EPS15L1: variants seen among roughly 807,000 people sequenced by gnomAD.
EPS15L1 encodes epidermal growth factor receptor pathway substrate 15 like 1.
EPS15L1 carries 43 observed loss-of-function variants against 117.1 expected under a neutral mutation model. The ratio of observed to expected loss-of-function variants is 0.37; its 90% CI spans 0.29 to 0.47. The LOEUF (loss-of-function observed/expected upper bound fraction) is 0.47. Among genes scored for constraint, EPS15L1 ranks in the 20% least tolerant of loss-of-function variants. The probability of loss-of-function intolerance (pLI) is 0.99; values close to 1 mark genes in which losing one functional copy is unlikely to be tolerated. For synonymous variants in EPS15L1, 459 were observed against 470.5 expected, an observed-to-expected ratio of 0.98 and a Z score of 0.32; for missense variants, 981 against 1,164.0, an observed-to-expected ratio of 0.84 and a Z score of 2.29.
intron 1 of EPS15L1, among the ~76,000 whole-genome samples, chr19:16,455,110 C>G (rs1599678466): frequency 6.6e-6 from 1 of 151,280 alleles, no homozygotes; most frequent in East Asian, 2.0e-4. Flanking sequence ...GCCTGGGCAA[C>G]AAGAGCGAAA....
At chr19:16,363,652 T>A (rs1229421125) in intron 22 of EPS15L1, among the ~76,000 whole-genome samples, 1 of 152,058 alleles carries the variant, frequency 6.6e-6, no homozygotes, top group Non-Finnish European at 1.5e-5. Flanking sequence ...TCCTTATCTG[T>A]GAAGTGGAAA....
chr19:16,383,710 G>C lies in EPS15L1; in HGVS notation c.2247+1419C>G, dbSNP rs1015271765. 1 of 152,300 alleles carries C rather than the reference G, an allele frequency of 6.6e-6. No homozygotes were observed. Among genetic ancestry groups the C allele is most frequent in the Admixed American group, 6.5e-5 (1 of 15,286 alleles). The allele number at this position is 152,300 out of a possible 1,614,324, so 9.4% of individuals were successfully genotyped here. ...GCGCCGCCAGGGCACGCACACACGCGTCTTTGAAAACCTGAACAGAATCTC... is the reference window on the plus strand; with the variant it reads ...GCGCCGCCAGGGCACGCACACACGCCTCTTTGAAAACCTGAACAGAATCTC... On this transcript the variant is annotated intron_variant, in intron 21 of 23. Coordinates refer to ENST00000455140, the MANE Select transcript of EPS15L1 (RefSeq NM_001258374.3). This position sits in a 1 kb window ranked among gnomAD's most constrained non-coding sequence, Gnocchi z 5.2.
At chr19:16,464,183 T>C (rs768966910) in intron 1 of EPS15L1, among the ~76,000 whole-genome samples, 1 of 152,224 alleles carries the variant, frequency 6.6e-6, no homozygotes, top group Non-Finnish European at 1.5e-5. Context: ...GCAGTGCAGA[T>C]GGAAATCCGA....
intron 7 of EPS15L1, among the ~76,000 whole-genome samples, chr19:16,430,347 C>T (rs1156755646): frequency 6.6e-6 from 1 of 152,216 alleles, no homozygotes; most frequent in Admixed American, 6.5e-5. Flanking sequence ...CTCCAGAATG[C>T]ACACTGGACC....
chr19:16,457,260 C>T (rs758039179), intron 1 of EPS15L1, among the ~76,000 whole-genome samples: 6 of 152,292 alleles, frequency 3.9e-5, no homozygotes, highest in East Asian at 1.9e-4. Flanking sequence ...AGGTGAACAA[C>T]GGGACATTCC....
chr19:16,393,941 T>G lies in EPS15L1; in HGVS notation c.1966+10A>C, dbSNP rs983450132. On this transcript the variant is annotated intron_variant, in intron 18 of 23. Transcript: ENST00000455140. The stretch of plus-strand genomic sequence containing the variant: ...GTCTAAAGACCGGTCCGGGAAACAC[T>G]GAATTTTACCTGTTGAAGTTGTCTG... The G allele has an allele frequency of 6.2e-7, 1 of 1,613,880 alleles. No individual in the cohort carries two copies.
At chr19:16,453,886 T>TTA (rs1373221953) in intron 1 of EPS15L1, among the ~76,000 whole-genome samples, 1 of 136,618 alleles carries the variant, frequency 7.3e-6, no homozygotes, top group Non-Finnish European at 1.6e-5. Flanking sequence ...AGAATTCCTA[T>TTA]AAAAAAAAAA....
chr19:16,374,362 T>C (rs553147202), intron 22 of EPS15L1, among the ~76,000 whole-genome samples: 1 of 152,136 alleles, frequency 6.6e-6, no homozygotes. Flanking sequence ...AGAACAAAGA[T>C]GCAGTGGCCT....
chr19:16,410,139 A>AT (rs1467343932), intron 13 of EPS15L1, among the ~76,000 whole-genome samples: 3 of 152,062 alleles, frequency 2.0e-5, no homozygotes, highest in Non-Finnish European at 4.4e-5. Flanking sequence ...GTCTCAAAAA[A>AT]AAAAAAAAAT....
intron 19 of EPS15L1, 150 bp downstream of exon 19, chr19:16,392,152 CTG>C: frequency 2.4e-6 from 2 of 837,068 alleles, no homozygotes. Context: ...TGAAATCAGC[CTG>C]GGATACCAGC....
chr19:16,462,379 G>A (rs76387153), intron 1 of EPS15L1, among the ~76,000 whole-genome samples: 88 of 152,252 alleles, frequency 5.8e-4, no homozygotes, highest in Non-Finnish European at 9.7e-4. Context: ...GGAAGTGGGG[G>A]GGAGGGCATG....
chr19:16,380,292 G>A (rs2092346850), intron 21 of EPS15L1, among the ~76,000 whole-genome samples: 1 of 152,090 alleles, frequency 6.6e-6, no homozygotes, highest in South Asian at 2.1e-4. Flanking sequence ...TAGCCACACA[G>A]ACACGGCCAC....
At chr19:16,456,533 T>A (rs553666340) in intron 1 of EPS15L1, among the ~76,000 whole-genome samples, 194 of 152,056 alleles carry the variant, frequency 1.3e-3, no homozygotes, top group Non-Finnish European at 2.3e-3. Flanking sequence ...GGCGGGTACC[T>A]GTAATCTCAG....
chr19:16,396,743 C>T (rs535688785), intron 16 of EPS15L1, among the ~76,000 whole-genome samples: 54 of 152,188 alleles, frequency 3.5e-4, no homozygotes, highest in African/African-American at 1.0e-3. Flanking sequence ...AAAATTGTAA[C>T]GAGCCACACA....
At chr19:16,401,414 GAC>G (rs2092600212) in intron 16 of EPS15L1, 1 of 985,464 alleles carries the variant, frequency 1.0e-6, no homozygotes. Context: ...AGGAATCCAT[GAC>G]GTACAGAGGC....
intron 8 of EPS15L1, among the ~76,000 whole-genome samples, chr19:16,426,224 G>C (rs754412772): frequency 6.6e-6 from 1 of 152,234 alleles, no homozygotes; most frequent in Non-Finnish European, 1.5e-5. Flanking sequence ...TGGGGCGGGT[G>C]TGACCTCCGT....
chr19:16,368,955 T>G (rs2092180435), intron 22 of EPS15L1, among the ~76,000 whole-genome samples: 1 of 152,228 alleles, frequency 6.6e-6, no homozygotes, highest in Admixed American at 6.5e-5. Flanking sequence ...CCAAGGCCAC[T>G]GACATGTCTT....
At chr19:16,464,615 G>C (rs1199358980) in intron 1 of EPS15L1, among the ~76,000 whole-genome samples, 1 of 152,140 alleles carries the variant, frequency 6.6e-6, no homozygotes, top group Admixed American at 6.5e-5. Context: ...CTCAGCTCTG[G>C]CTCAGTCCTC....
At chr19:16,388,526 C>G (rs570014547) in intron 19 of EPS15L1, among the ~76,000 whole-genome samples, 19 of 152,026 alleles carry the variant, frequency 1.2e-4, no homozygotes, top group Non-Finnish European at 2.5e-4. Context: ...ATAACAATGA[C>G]CTGAAGAAAT....
Sources: allele counts gnomAD v4.1 joint callset (sites outside exome capture counted in the v4.1 genomes callset), GRCh38; gene constraint gnomAD v4.1.1; non-coding constraint Gnocchi (gnomAD v3.1); transcripts MANE v1.5; gene names NCBI Gene and HGNC (gene_info 2026-07-23, HGNC 2026-07-21).